PREX2: variants seen among roughly 807,000 people sequenced by gnomAD.
PREX2 encodes the protein phosphatidylinositol 3,4,5-trisphosphate-dependent Rac exchanger 2 protein.
A neutral mutation model predicts 203.2 loss-of-function variants in PREX2; 107 were observed. The ratio of observed to expected loss-of-function variants is 0.53; its 90% CI spans 0.45 to 0.62. The LOEUF is 0.62. Ranked by LOEUF, PREX2 falls within the 20% of genes least tolerant of loss-of-function variation. The probability of loss-of-function intolerance (pLI) is 0.00; values close to 1 mark genes in which losing one functional copy is unlikely to be tolerated. For synonymous variants in PREX2, 672 were observed against 663.6 expected, an observed-to-expected ratio of 1.01 and a Z score of -0.19; for missense variants, 1,777 against 1,955.9, an observed-to-expected ratio of 0.91 and a Z score of 1.72.
intron 1 of PREX2, among the ~76,000 whole-genome samples, chr8:68,005,733 G>GCT (rs1563496062): frequency 6.6e-6 from 1 of 151,658 alleles, no homozygotes; most frequent in Non-Finnish European, 1.5e-5. Flanking sequence ...TTCGTAGTAT[G>GCT]TACCACCATC....
chr8:68,097,294 T>C, intron 22 of PREX2, 93 bp downstream of exon 22: 1 of 941,846 alleles, frequency 1.1e-6, no homozygotes. Context: ...AAAATAGCTA[T>C]ACATGTTGCA....
chr8:68,015,613 T>C (rs983947515), intron 1 of PREX2, among the ~76,000 whole-genome samples: 2 of 152,196 alleles, frequency 1.3e-5, no homozygotes, highest in Admixed American at 6.6e-5. Flanking sequence ...GTTTAAGCTT[T>C]GCTTGCACGA....
chr8:68,178,972 T>C (rs535512206), intron 35 of PREX2, among the ~76,000 whole-genome samples: 76 of 152,290 alleles, frequency 5.0e-4, no homozygotes, highest in African/African-American at 1.7e-3. Context: ...ATTAAAATAT[T>C]GCAGAGATGA....
chr8:68,022,028 A>T lies in PREX2; in HGVS notation c.337-8A>T, dbSNP rs372189778. 210 of 1,281,208 alleles carry T rather than the reference A, an allele frequency of 1.6e-4. No homozygotes were observed. Among genetic ancestry groups the T allele is most frequent in the Non-Finnish European group, 2.2e-4 (189 of 877,534 alleles). The allele number at this position is 1,281,208 out of a possible 1,614,324, so 79.4% of individuals were successfully genotyped here. A position where few individuals can be genotyped will look rare whatever the true frequency, so the allele number is the denominator to read the frequency against. ...AAATGACTAATTTATTCTTACATGA[A>T]TTCACAGAAAGACAAGTTTCGTATC... On this transcript the variant is annotated splice_polypyrimidine_tract_variant and splice_region_variant and intron_variant, in intron 3 of 39. Coordinates refer to ENST00000288368, the MANE Select transcript of PREX2 (RefSeq NM_024870.4).
chr8:68,083,203 ATATACT>A, intron 17 of PREX2, 31 bp from the exon 18 acceptor site: 4 of 1,491,818 alleles, frequency 2.7e-6, no homozygotes, highest in Non-Finnish European at 3.6e-6. Context: ...TCTTATTAAA[ATATACT>A]TTGACTTATT....
intron 37 of PREX2, 56 bp downstream of exon 37, chr8:68,192,581 G>T: frequency 1.4e-6 from 2 of 1,379,950 alleles, no homozygotes; most frequent in African/African-American, 1.4e-5. Flanking sequence ...TTATTTGATG[G>T]TTTTTGTTTA....
intron 1 of PREX2, among the ~76,000 whole-genome samples, chr8:67,990,483 C>T (rs1486151079): frequency 1.3e-5 from 2 of 149,478 alleles, no homozygotes; most frequent in African/African-American, 2.5e-5. Flanking sequence ...CTTTTAAAAA[C>T]GTGCTCCCAG....
intron 35 of PREX2, among the ~76,000 whole-genome samples, chr8:68,187,910 G>C (rs899723831): frequency 6.6e-6 from 1 of 152,214 alleles, no homozygotes; most frequent in African/African-American, 2.4e-5. Context: ...GACAGAGGGG[G>C]CTGGGACAGC....
chr8:68,133,051 C>T (rs1811039379), intron 31 of PREX2, among the ~76,000 whole-genome samples: 1 of 152,126 alleles, frequency 6.6e-6, no homozygotes, highest in African/African-American at 2.4e-5. Flanking sequence ...TTAATTGACT[C>T]ACAGTTATGC....
chr8:68,088,698 A>G (rs1809775492), intron 19 of PREX2, among the ~76,000 whole-genome samples: 1 of 152,200 alleles, frequency 6.6e-6, no homozygotes, highest in African/African-American at 2.4e-5. Flanking sequence ...TTTCTAAAAC[A>G]TATAGATGGA....
intron 37 of PREX2, among the ~76,000 whole-genome samples, chr8:68,206,452 A>G (rs1812628344): frequency 1.3e-5 from 2 of 152,214 alleles, no homozygotes; most frequent in African/African-American, 4.8e-5. Flanking sequence ...AAGAGCTATT[A>G]AAAATCACAG....
intron 37 of PREX2, among the ~76,000 whole-genome samples, chr8:68,194,306 T>C (rs1296714183): frequency 1.3e-5 from 2 of 152,074 alleles, no homozygotes; most frequent in Non-Finnish European, 2.9e-5. Flanking sequence ...GTTGATAAAG[T>C]AAACAAATAA....
rs1210380079 is a variant in PREX2 at position 68,080,570 on chromosome 8, A to G, written c.1770A>G (p.Ile590Met). 6.2e-7 allele frequency: 1 copy of G among 1,603,542 alleles called. No homozygotes were observed. The highest frequency in any genetic ancestry group is 1.3e-5 in the African/African-American group (1 of 74,494). ...ACTTAAAAGTTGTGGAAAATGTTAT[A>G]GCTAAGTCATTATTGGTAAGTTTAT... ...KHDLKVVENV[I>M]AKSLLIKSNE... Residue 590 changes from isoleucine to methionine, a missense_variant, in exon 16 of 40, where the codon ATA becomes ATG. Transcript: ENST00000288368.
chr8:67,987,093 C>T (rs532936337), intron 1 of PREX2, among the ~76,000 whole-genome samples: 10 of 138,832 alleles, frequency 7.2e-5, no homozygotes, highest in Admixed American at 6.5e-4. Context: ...GCGGAGCTTG[C>T]AGTGAGCAGA....
Position 68,236,759 on chromosome 8 carries a change from T to C in PREX2, c.*5381T>C, listed in dbSNP as rs1351755333. The C allele has an allele frequency of 6.6e-6, 1 of 152,130 alleles. No homozygotes were observed. Among genetic ancestry groups the C allele is most frequent in the African/African-American group, 2.4e-5 (1 of 41,442 alleles). The allele number at this position is 152,130 out of a possible 1,614,324, so 9.4% of individuals were successfully genotyped here. The stretch of plus-strand genomic sequence containing the variant: ...AATATCAAATTGGTTCTATAAATAG[T>C]AATTGTTTTGAATATATCCATACTT... On this transcript the variant is annotated 3_prime_UTR_variant, in exon 40 of 40. Coordinates refer to ENST00000288368, the MANE Select transcript of PREX2 (RefSeq NM_024870.4).
In PREX2 at chr8:68,030,661, A is replaced by G; in HGVS notation, c.705+3A>G. The G allele has an allele frequency of 6.2e-7, 1 of 1,613,328 alleles. No homozygotes were observed. Among genetic ancestry groups the G allele is most frequent in the Admixed American group, 1.7e-5 (1 of 59,980 alleles). Reference sequence around the variant, plus strand: ...AGTCTCACATTGAAGGCTGGGAGGTACATTCACTTTGCTTGACAATCGAGC... The same window carrying G: ...AGTCTCACATTGAAGGCTGGGAGGTGCATTCACTTTGCTTGACAATCGAGC... On this transcript the variant is annotated splice_donor_region_variant and intron_variant, in intron 6 of 39. Transcript: ENST00000288368.
chr8:68,121,540 T>A (rs916557820), intron 30 of PREX2, among the ~76,000 whole-genome samples: 5 of 152,148 alleles, frequency 3.3e-5, no homozygotes, highest in African/African-American at 1.2e-4. Flanking sequence ...TTACATGACA[T>A]TCTATAATTG....
At chr8:68,049,044 T>C (rs1460770774) in intron 8 of PREX2, among the ~76,000 whole-genome samples, 1 of 151,402 alleles carries the variant, frequency 6.6e-6, no homozygotes, top group Non-Finnish European at 1.5e-5. Flanking sequence ...TTTAAGGGAG[T>C]ATATTTGGGA....
chr8:68,189,802 A>G (rs1356053315), intron 35 of PREX2, among the ~76,000 whole-genome samples: 1 of 152,164 alleles, frequency 6.6e-6, no homozygotes, highest in East Asian at 1.9e-4. Context: ...TTAGGAATGC[A>G]AAGAGAGTTA....
Sources: allele counts gnomAD v4.1 joint callset (sites outside exome capture counted in the v4.1 genomes callset), GRCh38; gene constraint gnomAD v4.1.1; transcripts MANE v1.5; gene names NCBI Gene and HGNC (gene_info 2026-07-23, HGNC 2026-07-21).